The following PHACTR1 variants were observed in gnomAD, a reference collection of about 807,000 sequenced individuals.
PHACTR1 encodes phosphatase and actin regulator 1.
In PHACTR1, 16 loss-of-function variants were observed where a neutral mutation model predicts 69.2. The ratio of observed to expected loss-of-function variants is 0.23; its 90% CI spans 0.16 to 0.35. The LOEUF is 0.35. PHACTR1 is among the 10% of genes least tolerant of loss of function. The pLI, the probability that PHACTR1 is intolerant of heterozygous loss-of-function variation, is 1.00. For synonymous variants in PHACTR1, 312 were observed against 284.5 expected (o/e 1.10, Z -0.97); for missense variants, 510 against 734.7 (o/e 0.69, Z 3.54).
At chr6:12,745,564 G>A (rs1765678988) in intron 3 of PHACTR1, among the ~76,000 whole-genome samples, 1 of 152,118 alleles carries the variant, frequency 6.6e-6, no homozygotes, top group Non-Finnish European at 1.5e-5. Context: ...CAGCATGAGG[G>A]GGAAAAATAG....
intron 4 of PHACTR1, among the ~76,000 whole-genome samples, chr6:12,846,565 G>A (rs1323760302): frequency 6.6e-6 from 1 of 152,160 alleles, no homozygotes; most frequent in East Asian, 1.9e-4. Context: ...AACCAAACCA[G>A]ATTTCTTACG....
rs547400049 is a variant in PHACTR1 at position 13,196,494 on chromosome 6, C to T, written c.665-9321C>T. ...GGAGCGCAGTGGTACAATCTCAGCT[C>T]ACTGCAACCTCCGCTTCCCAGGTTC... is the stretch of plus-strand genomic sequence containing the variant. On this transcript the variant is annotated intron_variant, in intron 7 of 14. Coordinates refer to ENST00000332995, the MANE Select transcript of PHACTR1 (RefSeq NM_030948.6). 1.1e-4 allele frequency: 19 copies of T among 177,352 alleles called. No individual in the cohort carries two copies. The South Asian group carries it at 1.5e-3, about 14-fold the overall frequency. 11.0% of individuals were successfully genotyped at this position (177,352 alleles called of 1,614,324 possible). A position where few individuals can be genotyped will look rare whatever the true frequency, so the allele number is the denominator to read the frequency against.
intron 5 of PHACTR1, among the ~76,000 whole-genome samples, chr6:13,133,115 A>T (rs1334396146): frequency 2.6e-5 from 4 of 151,738 alleles, no homozygotes; most frequent in African/African-American, 9.7e-5. Flanking sequence ...ATCTCAAGAA[A>T]CTGCTTTCTT....
chr6:13,139,856 C>A (rs1207769467), intron 5 of PHACTR1, among the ~76,000 whole-genome samples: 1 of 152,138 alleles, frequency 6.6e-6, no homozygotes, highest in Non-Finnish European at 1.5e-5. Context: ...TGCAACCCTT[C>A]CTCCTAACTT....
At chr6:13,027,417 G>A (rs1351586959) in intron 4 of PHACTR1, among the ~76,000 whole-genome samples, 1 of 152,184 alleles carries the variant, frequency 6.6e-6, no homozygotes, top group Non-Finnish European at 1.5e-5. Flanking sequence ...AACGGGAAGT[G>A]TGGTCTGGCT....
At chr6:13,118,471 ATTTTTTTTTTT>A (rs140486749) in intron 5 of PHACTR1, among the ~76,000 whole-genome samples, 3 of 72,812 alleles carry the variant, frequency 4.1e-5, no homozygotes, top group Non-Finnish European at 7.8e-5. Flanking sequence ...AACCAGGGCC[ATTTTTTTTTTT>A]TTTTTTTTTT....
chr6:12,833,322 G>T (rs1261285954), intron 4 of PHACTR1, among the ~76,000 whole-genome samples: 1 of 151,034 alleles, frequency 6.6e-6, no homozygotes, highest in African/African-American at 2.4e-5. Context: ...GCAGTGGTGC[G>T]ATCTCAGCTC....
intron 5 of PHACTR1, among the ~76,000 whole-genome samples, chr6:13,114,968 G>A (rs1009194005): frequency 6.6e-6 from 1 of 152,102 alleles, no homozygotes; most frequent in African/African-American, 2.4e-5. Context: ...CCTATTTTAT[G>A]TATAAGAAAA....
chr6:13,180,319 A>G (rs1190328216), intron 6 of PHACTR1, among the ~76,000 whole-genome samples: 1 of 152,170 alleles, frequency 6.6e-6, no homozygotes, highest in African/African-American at 2.4e-5. Flanking sequence ...TTCCTCTCCA[A>G]AGTGGTTTGG....
intron 4 of PHACTR1, among the ~76,000 whole-genome samples, chr6:12,765,872 A>G (rs1440465221): frequency 6.6e-6 from 1 of 152,230 alleles, no homozygotes; most frequent in Non-Finnish European, 1.5e-5. Context: ...GTGACTTCCT[A>G]GACATGAAGA....
At chr6:13,223,875 C>T (rs1198468768) in intron 8 of PHACTR1, among the ~76,000 whole-genome samples, 1 of 152,118 alleles carries the variant, frequency 6.6e-6, no homozygotes, top group Non-Finnish European at 1.5e-5. Context: ...TCCTTCAACT[C>T]TTTCAGTTAT....
At chr6:13,123,104 A>C (rs1462400154) in intron 5 of PHACTR1, among the ~76,000 whole-genome samples, 1 of 152,174 alleles carries the variant, frequency 6.6e-6, no homozygotes, top group Admixed American at 6.5e-5. Context: ...GCCCCCCAAA[A>C]AAGAGTGAAA....
intron 4 of PHACTR1, among the ~76,000 whole-genome samples, chr6:12,909,776 C>G (rs373002027): frequency 6.6e-6 from 1 of 152,184 alleles, no homozygotes; most frequent in African/African-American, 2.4e-5. Flanking sequence ...GACTTAAGAT[C>G]GGCAGCATTC....
intron 4 of PHACTR1, among the ~76,000 whole-genome samples, chr6:13,040,598 C>T (rs990453364): frequency 2.6e-5 from 4 of 152,116 alleles, no homozygotes; most frequent in Non-Finnish European, 5.9e-5. Context: ...TCATTAGCTG[C>T]TCTTTCACTT....
intron 4 of PHACTR1, among the ~76,000 whole-genome samples, chr6:12,984,845 C>T (rs1795948092): frequency 6.6e-6 from 1 of 152,200 alleles, no homozygotes; most frequent in South Asian, 2.1e-4. Context: ...ATCACAGTTT[C>T]AGAACATGCT....
intron 4 of PHACTR1, among the ~76,000 whole-genome samples, chr6:12,794,113 G>A (rs996480794): frequency 6.6e-6 from 1 of 152,138 alleles, no homozygotes; most frequent in African/African-American, 2.4e-5. Context: ...AACCCACTTG[G>A]CCTATTTATG....
At chr6:13,107,097 T>G (rs1281953429) in intron 5 of PHACTR1, among the ~76,000 whole-genome samples, 1 of 152,080 alleles carries the variant, frequency 6.6e-6, no homozygotes, top group African/African-American at 2.4e-5. Context: ...TCTCTCTCTC[T>G]CTCTCTCTTT....
rs527914785 is a variant in PHACTR1, at chr6:13,075,344, C to A, written c.415+21815C>A. 2.6e-5 allele frequency among the ~76,000 whole-genome samples: 4 copies of A among 152,304 alleles called. No homozygotes were observed. In the South Asian group the frequency reaches 8.3e-4, roughly 32 times the overall value. On this transcript the variant is annotated intron_variant, in intron 5 of 14. Coordinates refer to ENST00000332995, the MANE Select transcript of PHACTR1 (RefSeq NM_030948.6). ...TTAAAGAACAAATCCAGGATTTGAA[C>A]TCTAGTAGCCTGGCACCCCAGCCCA... is the stretch of plus-strand genomic sequence containing the variant.
In PHACTR1 at chr6:13,113,469, G is replaced by A. The variant is rs996476284; in HGVS notation, c.416-46735G>A. ...CACCCTACCTCATTCCATTAGACTC[G>A]GTTAATAATTCACATTAACAAAAGA... On this transcript the variant is annotated intron_variant, in intron 5 of 14. Transcript: ENST00000332995. Among the ~76,000 whole-genome samples the A allele has an allele frequency of 5.9e-5, 9 of 152,038 alleles. No individual in the cohort carries two copies. In the East Asian group the frequency reaches 1.2e-3, roughly 20 times the overall value.
Sources: allele counts gnomAD v4.1 joint callset (sites outside exome capture counted in the v4.1 genomes callset), GRCh38; gene constraint gnomAD v4.1.1; transcripts MANE v1.5; gene names NCBI Gene and HGNC (gene_info 2026-07-23, HGNC 2026-07-21).